SPTAN1: variants seen among roughly 807,000 people sequenced by gnomAD.
SPTAN1 encodes the protein spectrin alpha chain, non-erythrocytic 1.
A neutral mutation model predicts 331.3 loss-of-function variants in SPTAN1; 61 were observed. The observed-to-expected ratio is 0.18, with a 90% CI of 0.15 to 0.23. The LOEUF (loss-of-function observed/expected upper bound fraction) is 0.23. Among genes scored for constraint, SPTAN1 ranks in the 10% least tolerant of loss-of-function variants. SPTAN1 has a pLI of 1.00. For synonymous variants in SPTAN1, 1,153 were observed against 1,173.9 expected (o/e 0.98, Z 0.36); for missense variants, 2,043 against 3,147.9 (o/e 0.65, Z 8.40).
At chr9:128,574,588 G>A in intron 3 of SPTAN1, 87 bp from the exon 4 acceptor site, 1 of 1,481,184 alleles carries the variant, frequency 6.8e-7, no homozygotes, top group South Asian at 1.1e-5. Context: ...GCTCCATAAG[G>A]TCTCTAACTT....
chr9:128,581,747 G>A, intron 11 of SPTAN1, 35 bp from the exon 12 acceptor site: 1 of 1,514,316 alleles, frequency 6.6e-7, no homozygotes, highest in Non-Finnish European at 9.2e-7. Context: ...AAAGGAATAG[G>A]ACATTATTCT....
chr9:128,593,125 T>C lies in SPTAN1; in HGVS notation c.3215+83T>C, dbSNP rs893585987. ...CCCTCTGCCGCTTCTCTTGAAGGCCTTTGTCCATCCAGAAAGATGAGGTGG... is the reference window on the plus strand; with the variant it reads ...CCCTCTGCCGCTTCTCTTGAAGGCCCTTGTCCATCCAGAAAGATGAGGTGG... On this transcript the variant is annotated intron_variant, in intron 23 of 56. Coordinates refer to ENST00000372739, the MANE Select transcript of SPTAN1 (RefSeq NM_001130438.3). 8.0e-5 allele frequency: 115 copies of C among 1,434,558 alleles called. No homozygotes were observed. The African/African-American group carries it at 1.6e-3, about 19-fold the overall frequency. 88.9% of individuals were successfully genotyped at this position (1,434,558 alleles called of 1,614,324 possible).
chr9:128,611,966 G>A (rs1856620386), intron 38 of SPTAN1, 121 bp downstream of exon 38: 2 of 1,601,324 alleles, frequency 1.2e-6, no homozygotes, highest in Non-Finnish European at 1.7e-6. Flanking sequence ...ACTTTAGGCT[G>A]AATTACAGAT....
chr9:128,622,432 T>G (rs1858007154), intron 45 of SPTAN1, among the ~76,000 whole-genome samples: 1 of 151,610 alleles, frequency 6.6e-6, no homozygotes, highest in Non-Finnish European at 1.5e-5. Flanking sequence ...CCCTAGTAGC[T>G]GGGATTACAG....
chr9:128,599,194 G>T, intron 26 of SPTAN1: 4 of 602,544 alleles, frequency 6.6e-6, no homozygotes, highest in Non-Finnish European at 1.2e-5. Flanking sequence ...GAGTGCAGTG[G>T]TGTGATCTTG....
At chr9:128,569,563 G>A (rs1850418916) in intron 3 of SPTAN1, among the ~76,000 whole-genome samples, 1 of 151,598 alleles carries the variant, frequency 6.6e-6, no homozygotes, top group South Asian at 2.1e-4. Flanking sequence ...AGTGAGGTGT[G>A]CACGTTGAGT....
rs7857827 is a variant in SPTAN1 at position 128,628,162 on chromosome 9, G to A, written c.6707+220G>A. On this transcript the variant is annotated intron_variant, in intron 51 of 56. Coordinates refer to ENST00000372739, the MANE Select transcript of SPTAN1 (RefSeq NM_001130438.3). ...TAGAGCCTTCAAGCCAGGGGGAGCC[G>A]TCCTTGCCTCACTGGGCGATTCCAA... is the stretch of plus-strand genomic sequence containing the variant. 6.6e-3 allele frequency: 4,814 copies of A among 725,582 alleles called. 162 individuals carry two copies. In the African/African-American group the frequency reaches 0.073, roughly 11 times the overall value. 44.9% of individuals were successfully genotyped at this position (725,582 alleles called of 1,614,324 possible). A position where few individuals can be genotyped will look rare whatever the true frequency, so the allele number is the denominator to read the frequency against.
At chr9:128,614,998 G>C in intron 40 of SPTAN1, among the ~76,000 whole-genome samples, 1 of 152,192 alleles carries the variant, frequency 6.6e-6, no homozygotes, top group Non-Finnish European at 1.5e-5. Context: ...AAACATTGCA[G>C]TTAATACCAC....
chr9:128,611,011 A>G (rs559102357), intron 37 of SPTAN1, among the ~76,000 whole-genome samples: 3 of 152,338 alleles, frequency 2.0e-5, no homozygotes, highest in East Asian at 3.9e-4. Context: ...GTCCATATGT[A>G]TCTCATTCAT....
At chr9:128,622,631 C>G (rs1028135322) in intron 45 of SPTAN1, among the ~76,000 whole-genome samples, 2 of 152,106 alleles carry the variant, frequency 1.3e-5, no homozygotes, top group African/African-American at 2.4e-5. Flanking sequence ...CAGCGACAGC[C>G]TGTTTCCTCT....
rs183925733 is a variant in SPTAN1 at position 128,577,690 on chromosome 9, G to A, written c.1085+184G>A. 2.2e-4 allele frequency among the ~76,000 whole-genome samples: 33 copies of A among 152,316 alleles called. No homozygotes were observed. The highest frequency in any genetic ancestry group is 1.9e-4 in the East Asian group (1 of 5,188). ...GGCAACTGTATCATGTGTAGTATAC[G>A]TATGGTATTTACAACTTCATAAATT... On this transcript the variant is annotated intron_variant, in intron 8 of 56. Coordinates refer to ENST00000372739, the MANE Select transcript of SPTAN1 (RefSeq NM_001130438.3). The surrounding 1 kb of genome is among the most constrained non-coding windows in gnomAD (Gnocchi z 4.2).
intron 35 of SPTAN1, 32 bp from the exon 36 acceptor site, chr9:128,609,090 T>C (rs1376165576): frequency 6.2e-7 from 1 of 1,614,150 alleles, no homozygotes; most frequent in Non-Finnish European, 8.5e-7. Flanking sequence ...TAAGATATGC[T>C]CATGTTGGAT....
chr9:128,630,555 G>A (rs938334202), intron 52 of SPTAN1, 180 bp downstream of exon 52: 4 of 614,834 alleles, frequency 6.5e-6, no homozygotes, highest in Non-Finnish European at 5.8e-6. Flanking sequence ...CTTTCTTCAT[G>A]GAATCTCTCT....
rs149336930 is a variant in SPTAN1, at chr9:128,580,950, C to T, written c.1352C>T (p.Ala451Val). Residue 451 changes from alanine (A) to valine (V), a missense_variant, in exon 11 of 57, where the codon GCG becomes GTG. Around this residue, in one of 12 missense-constraint regions of SPTAN1, gnomAD observed 1,038 missense variants for 1,531.5 expected, o/e 0.68. Coordinates refer to ENST00000372739, the MANE Select transcript of SPTAN1 (RefSeq NM_001130438.3). Reference sequence around the variant, plus strand: ...ACCGTCCTTTCCGAGGAGAGAGCGGCGCTGCTGGAGCTGTGGGAGCTGCGC... The same window carrying T: ...ACCGTCCTTTCCGAGGAGAGAGCGGTGCTGCTGGAGCTGTGGGAGCTGCGC... The part of the protein sequence containing the change: ...KLTVLSEERA[A>V]LLELWELRRQ... 15 of 1,613,360 alleles carry T rather than the reference C, an allele frequency of 9.3e-6. No individual in the cohort carries two copies. The African/African-American group carries it at 1.3e-4, about 14-fold the overall frequency.
At position 128,579,629 on chromosome 9, in the gene SPTAN1, T is replaced by C; in HGVS notation, c.1222-8T>C. 1 of 1,612,378 alleles carries C rather than the reference T, an allele frequency of 6.2e-7. No individual in the cohort carries two copies. Among genetic ancestry groups the C allele is most frequent in the Non-Finnish European group, 8.5e-7 (1 of 1,178,410 alleles). On this transcript the variant is annotated splice_region_variant and splice_polypyrimidine_tract_variant and intron_variant, in intron 9 of 56. Coordinates refer to ENST00000372739, the MANE Select transcript of SPTAN1 (RefSeq NM_001130438.3). ...CACAAATCATGGCTTTGTTTTTTTC[T>C]CCTGTAGGGTGAAATTGATGCCCAT...
chr9:128,574,713 T>A lies in SPTAN1; in HGVS notation c.402T>A (p.Leu134=). ...AGCTGCACCGCCAGTGGGAATTACTTTTGGAGAAGATGCGAGAAAAAGGAA... is the reference window on the plus strand; with the variant it reads ...AGCTGCACCGCCAGTGGGAATTACTATTGGAGAAGATGCGAGAAAAAGGAA... ...LMELHRQWEL[L]LEKMREKGIK... is the part of the protein sequence containing the mutation. The change falls in exon 4 of 57, where the codon CTT becomes CTA. Residue 134 remains leucine, a synonymous_variant. Transcript: ENST00000372739. The A allele has an allele frequency of 6.2e-7, 1 of 1,614,170 alleles. No homozygotes were observed. Among genetic ancestry groups the A allele is most frequent in the Non-Finnish European group, 8.5e-7 (1 of 1,180,036 alleles).
Position 128,600,110 on chromosome 9 carries a change from T to G in SPTAN1, c.3574T>G (p.Trp1192Gly). The part of the protein sequence containing the change: ...DETDSKTASP[W>G]KSARLMVHTV... Reference sequence around the variant, plus strand: ...AACTGATTCCAAGACAGCCTCCCCGTGGAAGGTAAGAACTCCTTTGCAAAT... The same window carrying G: ...AACTGATTCCAAGACAGCCTCCCCGGGGAAGGTAAGAACTCCTTTGCAAAT... The change falls in exon 27 of 57, where the codon TGG (tryptophan) becomes GGG (glycine). Residue 1192 changes from tryptophan (W) to glycine (G), a missense_variant. This residue lies in a region of SPTAN1 where 1,038 missense variants were observed against 1,531.5 expected (regional missense o/e 0.68). Coordinates refer to ENST00000372739, the MANE Select transcript of SPTAN1 (RefSeq NM_001130438.3). The G allele has an allele frequency of 6.2e-7, 1 of 1,614,220 alleles. No individual in the cohort carries two copies. The highest frequency in any genetic ancestry group is 1.1e-5 in the South Asian group (1 of 91,086).
At chr9:128,607,261 C>G (rs968856889) in intron 31 of SPTAN1, among the ~76,000 whole-genome samples, 1 of 152,072 alleles carries the variant, frequency 6.6e-6, no homozygotes, top group Non-Finnish European at 1.5e-5. Flanking sequence ...GCCTCAGCCT[C>G]CCAAAGTGCT....
chr9:128,608,339 C>T, intron 34 of SPTAN1, 63 bp downstream of exon 34: 5 of 1,598,722 alleles, frequency 3.1e-6, no homozygotes, highest in East Asian at 2.2e-5. Flanking sequence ...TGTTTCTTGG[C>T]TTATATAGTC....
Sources: gnomAD v4.1 joint callset for allele counts (sites outside exome capture counted in the v4.1 genomes callset) on GRCh38, gnomAD v4.1.1 for gene constraint, gnomAD v4.1.1 regional missense constraint, Gnocchi (gnomAD v3.1) non-coding constraint, MANE v1.5 for transcripts, NCBI Gene and HGNC (gene_info 2026-07-23, HGNC 2026-07-21) for gene names.